The following NTM variants were observed in gnomAD, a reference collection of about 807,000 sequenced individuals.
The protein encoded by NTM is neurotrimin.
NTM carries 13 observed loss-of-function variants against 42.1 expected under a neutral mutation model. The observed-to-expected ratio is 0.31, with a 90% confidence interval of 0.20 to 0.49. The LOEUF is 0.49. NTM is among the 20% of genes least tolerant of loss of function. The pLI, the probability that NTM is intolerant of heterozygous loss-of-function variation, is 0.99. For missense variants in NTM, 373 were observed against 452.8 expected, an observed-to-expected ratio of 0.82 and a Z score of 1.60; for synonymous variants, 187 against 179.2, an observed-to-expected ratio of 1.04 and a Z score of -0.35.
Position 131,810,058 on chromosome 11 carries a change from C to T in NTM, c.83-101506C>T, listed in dbSNP as rs1023444326. ...TATCGATCTGCAATAAAACCTCACT[C>T]ATAATCTCTACAGCTGCCCATTCGT... On this transcript the variant is annotated intron_variant, in intron 1 of 8. Coordinates refer to ENST00000683400, the MANE Select transcript of NTM (RefSeq NM_001352005.2). Among the ~76,000 whole-genome samples the T allele has an allele frequency of 2.0e-5, 3 of 152,194 alleles. No individual in the cohort carries two copies. The East Asian group carries it at 5.8e-4, about 29-fold the overall frequency.
At chr11:131,882,843 C>A (rs1044099565) in intron 1 of NTM, among the ~76,000 whole-genome samples, 15 of 152,208 alleles carry the variant, frequency 9.9e-5, no homozygotes, top group Middle Eastern at 3.4e-3. Flanking sequence ...CTGCAATGAG[C>A]AATTGATAAA....
chr11:131,722,120 A>G (rs1021405111), intron 1 of NTM, among the ~76,000 whole-genome samples: 1 of 152,168 alleles, frequency 6.6e-6, no homozygotes, highest in East Asian at 1.9e-4. Context: ...TGCTTGGCAT[A>G]CAGTCAGTAT....
At chr11:131,589,899 G>T (rs2059217664) in intron 1 of NTM, among the ~76,000 whole-genome samples, 1 of 152,128 alleles carries the variant, frequency 6.6e-6, no homozygotes. Context: ...GTACATTTCA[G>T]AAAGTAGCAA....
intron 2 of NTM, among the ~76,000 whole-genome samples, chr11:131,943,274 C>T (rs76043335): frequency 0.016 from 2,441 of 152,274 alleles, 63 homozygotes; most frequent in African/African-American, 0.053. Flanking sequence ...CTGGTGTGGA[C>T]TCAATTTCCA....
At chr11:131,747,965 G>T (rs117722620) in intron 1 of NTM, among the ~76,000 whole-genome samples, 10 of 152,090 alleles carry the variant, frequency 6.6e-5, no homozygotes, top group Admixed American at 4.6e-4. Context: ...TACTCGCCGG[G>T]CACCACATAG....
At chr11:131,677,739 G>T (rs985786368) in intron 1 of NTM, among the ~76,000 whole-genome samples, 1 of 152,194 alleles carries the variant, frequency 6.6e-6, no homozygotes, top group Admixed American at 6.5e-5. Context: ...TTTCAGAGAG[G>T]TTACGCCATT....
At chr11:131,783,746 G>A (rs1451062189) in intron 1 of NTM, among the ~76,000 whole-genome samples, 1 of 152,118 alleles carries the variant, frequency 6.6e-6, no homozygotes, top group South Asian at 2.1e-4. Context: ...TTCTTAGACC[G>A]AAGGCAAAAA....
At chr11:131,794,721 A>G (rs2091352290) in intron 1 of NTM, 1 of 985,466 alleles carries the variant, frequency 1.0e-6, no homozygotes, top group African/African-American at 1.7e-5. Flanking sequence ...TGCATCTAAA[A>G]GCAGAGATAG....
chr11:131,804,363 T>C (rs2092357981), intron 1 of NTM, among the ~76,000 whole-genome samples: 1 of 152,204 alleles, frequency 6.6e-6, no homozygotes, highest in South Asian at 2.1e-4. Flanking sequence ...GCCACACTCA[T>C]AAGTGTGACG....
At chr11:131,874,724 A>T in intron 1 of NTM, among the ~76,000 whole-genome samples, 1 of 152,232 alleles carries the variant, frequency 6.6e-6, no homozygotes, top group East Asian at 1.9e-4. Context: ...AATGTAAGGA[A>T]TAATTAGGAT....
intron 3 of NTM, among the ~76,000 whole-genome samples, chr11:132,174,065 C>T (rs746214590): frequency 3.9e-5 from 6 of 152,170 alleles, no homozygotes; most frequent in Non-Finnish European, 5.9e-5. Flanking sequence ...CTGCCTTCAA[C>T]GGAGGGAAGC....
intron 1 of NTM, among the ~76,000 whole-genome samples, chr11:131,465,297 A>G (rs959112224): frequency 6.6e-6 from 1 of 152,124 alleles, no homozygotes; most frequent in Admixed American, 6.5e-5. Flanking sequence ...GTCCTCTAGG[A>G]TGGTTGGCCC....
chr11:131,789,480 AG>A (rs1377431214), intron 1 of NTM, among the ~76,000 whole-genome samples: 3 of 12,670 alleles, frequency 2.4e-4, no homozygotes, highest in African/African-American at 8.4e-4. Context: ...AAGAAGAAGA[AG>A]AAGAAGAAGA....
Position 132,179,842 on chromosome 11 carries a change from T to TG in NTM, c.401-32174dup, listed in dbSNP as rs530795405. ...AAGAAGAATGAGGAATTTCCTTGAC[T>TG]GGGGGGTAGCATAGCATAGCAGTTT... On this transcript the variant is annotated intron_variant, in intron 3 of 8. Transcript: ENST00000683400. Among the ~76,000 whole-genome samples, 3 of 152,082 alleles carry TG rather than the reference T, an allele frequency of 2.0e-5. No individual in the cohort carries two copies. In the South Asian group the frequency reaches 6.2e-4, roughly 32 times the overall value.
At chr11:131,918,625 C>T (rs1592852722) in intron 2 of NTM, among the ~76,000 whole-genome samples, 1 of 152,260 alleles carries the variant, frequency 6.6e-6, no homozygotes. Context: ...TAGGCAATCC[C>T]CCTCGGTTCC....
intron 4 of NTM, among the ~76,000 whole-genome samples, chr11:132,247,188 C>G (rs1033427955): frequency 1.3e-5 from 2 of 152,182 alleles, no homozygotes; most frequent in African/African-American, 4.8e-5. Context: ...CTGTGGTTTG[C>G]CATCTGCGTG....
chr11:132,194,192 G>C (rs1392006494), intron 3 of NTM, among the ~76,000 whole-genome samples: 6 of 152,014 alleles, frequency 3.9e-5, no homozygotes, highest in African/African-American at 1.2e-4. Flanking sequence ...TATTATCCAT[G>C]ATGAACATAG....
chr11:132,062,164 C>G (rs902262244), intron 2 of NTM, among the ~76,000 whole-genome samples: 5 of 152,062 alleles, frequency 3.3e-5, no homozygotes, highest in Admixed American at 2.0e-4. Flanking sequence ...ACCCCAGGTG[C>G]AAAAAATTTA....
At chr11:131,933,149 C>T (rs2058820590) in intron 2 of NTM, among the ~76,000 whole-genome samples, 1 of 152,224 alleles carries the variant, frequency 6.6e-6, no homozygotes, top group African/African-American at 2.4e-5. Flanking sequence ...CCTTTTGTCA[C>T]TAAAAGCTGG....
Sources: allele counts gnomAD v4.1 joint callset (sites outside exome capture counted in the v4.1 genomes callset), GRCh38; gene constraint gnomAD v4.1.1; transcripts MANE v1.5; gene names NCBI Gene and HGNC (gene_info 2026-07-23, HGNC 2026-07-21).